Variants in EFHB observed in about 807,000 individuals in gnomAD.
EFHB encodes the protein EF-hand domain family member B, also known as EF-hand domain-containing family member B.
In EFHB, 91 loss-of-function variants were observed where a neutral mutation model predicts 87.2. That is an observed-to-expected ratio of 1.04 (90% CI 0.88 to 1.24). The LOEUF is 1.24. EFHB is among the 50% of genes most tolerant of loss of function. The pLI, the probability that EFHB is intolerant of heterozygous loss-of-function variation, is 0.00. For synonymous variants in EFHB, 325 were observed against 333.6 expected (o/e 0.97, Z 0.28); for missense variants, 1,084 against 998.8 (o/e 1.09, Z -1.15).
chr3:19,929,207 C>CTT (rs34805655), intron 1 of EFHB, among the ~76,000 whole-genome samples: 1 of 146,454 alleles, frequency 6.8e-6, no homozygotes, highest in African/African-American at 2.5e-5. Context: ...TTTTTTTTAA[C>CTT]TTTTTTTTTT....
chr3:19,905,671 T>G lies in EFHB; in HGVS notation c.1367A>C (p.Asn456Thr). 6.2e-7 allele frequency: 1 copy of G among 1,613,916 alleles called. No individual in the cohort carries two copies. Among genetic ancestry groups the G allele is most frequent in the African/African-American group, 1.3e-5 (1 of 75,056 alleles). Reference sequence around the variant, plus strand: ...AGATTTTGCCATGGCTCGTCCATCATTAAAATGTGGTGTTGGTACTCCATA... The same window carrying G: ...AGATTTTGCCATGGCTCGTCCATCAGTAAAATGTGGTGTTGGTACTCCATA... ...SVYGVPTPHF[N>T]DGRAMAKSLY... is the part of the protein sequence containing the mutation. Residue 456 changes from asparagine (N) to threonine (T), a missense_variant, in exon 6 of 13, where the codon AAT (asparagine) becomes ACT (threonine). Physicochemically the swap from Asn to Thr is moderately conservative, Grantham distance 65. Coordinates refer to ENST00000295824, the MANE Select transcript of EFHB (RefSeq NM_144715.4).
chr3:19,939,761 G>A (rs1203598562), intron 1 of EFHB, among the ~76,000 whole-genome samples: 2 of 152,038 alleles, frequency 1.3e-5, no homozygotes, highest in Non-Finnish European at 2.9e-5. Flanking sequence ...GATCTATGTG[G>A]GTTTCCATGT....
At chr3:19,899,010 T>G (rs1022410252) in intron 7 of EFHB, among the ~76,000 whole-genome samples, 165 bp from the exon 8 acceptor site, 2 of 152,242 alleles carry the variant, frequency 1.3e-5, no homozygotes, top group East Asian at 3.8e-4. Context: ...ATCTTCCACT[T>G]GCATTAACAA....
At position 19,915,285 on chromosome 3, in the gene EFHB, G is replaced by T. The variant is rs1247312575; in HGVS notation, c.1288+18C>A. 1.3e-6 allele frequency: 2 copies of T among 1,550,900 alleles called. No homozygotes were observed. The highest frequency in any genetic ancestry group is 1.8e-6 in the Non-Finnish European group (2 of 1,127,400). On this transcript the variant is annotated intron_variant, in intron 5 of 12. Coordinates refer to ENST00000295824, the MANE Select transcript of EFHB (RefSeq NM_144715.4). Reference sequence around the variant, plus strand: ...AGTCCCATATCCTCAGGCCCATTTTGCATCGGAGGACACTTACCTGCATAA... The same window carrying T: ...AGTCCCATATCCTCAGGCCCATTTTTCATCGGAGGACACTTACCTGCATAA...
intron 5 of EFHB, among the ~76,000 whole-genome samples, chr3:19,908,598 G>GAGAGAGAGAGAGAGAGAGAA (rs1694937855): frequency 3.9e-5 from 3 of 77,854 alleles, no homozygotes; most frequent in Admixed American, 1.6e-4. Flanking sequence ...GAGAGAGAGA[G>GAGAGAGAGAGAGAGAGAGAA]AGAAAGAAAG....
intron 1 of EFHB, among the ~76,000 whole-genome samples, chr3:19,932,486 C>T (rs547804635): frequency 6.6e-6 from 1 of 152,156 alleles, no homozygotes; most frequent in East Asian, 1.9e-4. Context: ...ACATAGGAAG[C>T]TTTGGTTGTG....
At chr3:19,896,899 A>G (rs1165246348) in intron 8 of EFHB, 58 bp from the exon 9 acceptor site, 29 of 1,439,128 alleles carry the variant, frequency 2.0e-5, no homozygotes, top group Non-Finnish European at 2.7e-5. Context: ...TATTATTTCT[A>G]TCTTTTAAAA....
chr3:19,944,287 G>A (rs934940883), intron 1 of EFHB, among the ~76,000 whole-genome samples: 9 of 152,192 alleles, frequency 5.9e-5, no homozygotes, highest in Middle Eastern at 6.3e-3. Context: ...TCCTGTGAAT[G>A]GTAGAGAGAC....
rs1262341646 is a variant in EFHB at position 19,905,681 on chromosome 3, G to C, written c.1357C>G (p.Pro453Ala). The change falls in exon 6 of 13, where the codon CCA becomes GCA. Residue 453 changes from proline to alanine, a missense_variant. Coordinates refer to ENST00000295824, the MANE Select transcript of EFHB (RefSeq NM_144715.4). ...ATGGCTCGTCCATCATTAAAATGTGGTGTTGGTACTCCATACACACTACAC... is the reference window on the plus strand; with the variant it reads ...ATGGCTCGTCCATCATTAAAATGTGCTGTTGGTACTCCATACACACTACAC... ...HRCSVYGVPTPHFNDGRAMAK... is the reference protein window; with the variant it reads ...HRCSVYGVPTAHFNDGRAMAK... The C allele has an allele frequency of 6.2e-7, 1 of 1,613,734 alleles. No individual in the cohort carries two copies. The highest frequency in any genetic ancestry group is 2.2e-5 in the East Asian group (1 of 44,870).
chr3:19,887,921 A>G (rs1574993751), intron 10 of EFHB, among the ~76,000 whole-genome samples: 1 of 152,330 alleles, frequency 6.6e-6, no homozygotes, highest in Non-Finnish European at 1.5e-5. Flanking sequence ...ACTGTCTTTT[A>G]TATTTTGAGC....
chr3:19,916,633 T>C (rs1304225260), intron 4 of EFHB, among the ~76,000 whole-genome samples: 1 of 152,126 alleles, frequency 6.6e-6, no homozygotes, highest in Non-Finnish European at 1.5e-5. Flanking sequence ...TGGTCCTAAA[T>C]CTGGAAAAGA....
chr3:19,923,324 T>A (rs1056563824), intron 1 of EFHB, among the ~76,000 whole-genome samples: 3 of 151,690 alleles, frequency 2.0e-5, no homozygotes, highest in African/African-American at 7.3e-5. Context: ...CACACACAGC[T>A]AATAATTTTC....
At chr3:19,883,813 G>A (rs1288248722) in intron 11 of EFHB, among the ~76,000 whole-genome samples, 1 of 152,190 alleles carries the variant, frequency 6.6e-6, no homozygotes, top group African/African-American at 2.4e-5. Context: ...GAAGCCAAGT[G>A]GTGCCAAAGA....
upstream of EFHB, among the ~76,000 whole-genome samples, chr3:19,938,595 A>C (rs1696076151): frequency 6.6e-6 from 1 of 152,208 alleles, no homozygotes; most frequent in Non-Finnish European, 1.5e-5. Flanking sequence ...TTAGGAAAAA[A>C]ATAAGAGATG....
At chr3:19,890,762 A>G (rs985881395) in intron 9 of EFHB, among the ~76,000 whole-genome samples, 1 of 152,166 alleles carries the variant, frequency 6.6e-6, no homozygotes, top group African/African-American at 2.4e-5. Flanking sequence ...TTGGAGGTGC[A>G]CCGTGAAGTT....
At chr3:19,943,539 C>T (rs924405215) in intron 1 of EFHB, among the ~76,000 whole-genome samples, 3 of 150,978 alleles carry the variant, frequency 2.0e-5, no homozygotes, top group South Asian at 2.1e-4. Flanking sequence ...TGTATTCCAT[C>T]GAAAGTATTT....
At chr3:19,926,627 T>C (rs986008628) in intron 1 of EFHB, among the ~76,000 whole-genome samples, 9 of 151,822 alleles carry the variant, frequency 5.9e-5, no homozygotes, top group Non-Finnish European at 7.4e-5. Context: ...CCCAAAGTGC[T>C]GGGATTACAG....
chr3:19,905,828 T>C (rs1322605553), intron 5 of EFHB, 79 bp from the exon 6 acceptor site: 16 of 1,481,168 alleles, frequency 1.1e-5, no homozygotes, highest in African/African-American at 2.8e-5. Flanking sequence ...TATGTTCTCA[T>C]TGACATTGAA....
intron 1 of EFHB, among the ~76,000 whole-genome samples, chr3:19,924,665 T>C (rs1027857853): frequency 1.3e-5 from 2 of 152,256 alleles, no homozygotes; most frequent in African/African-American, 4.8e-5. Flanking sequence ...GTTTGTTTTA[T>C]ATCTGCATGA....
Sources: allele counts gnomAD v4.1 joint callset (sites outside exome capture counted in the v4.1 genomes callset), GRCh38; gene constraint gnomAD v4.1.1; transcripts MANE v1.5; gene names NCBI Gene and HGNC (gene_info 2026-07-23, HGNC 2026-07-21).